Variants in RCOR2 observed in about 807,000 individuals in gnomAD.
The protein encoded by RCOR2 is REST corepressor 2.
A neutral mutation model predicts 58.9 loss-of-function variants in RCOR2; 19 were observed. That is an observed-to-expected ratio of 0.32 (90% CI 0.23 to 0.47). The LOEUF (loss-of-function observed/expected upper bound fraction) is 0.47. RCOR2 is among the 20% of genes least tolerant of loss of function. The pLI is 1.00. For missense variants in RCOR2, 590 were observed against 707.9 expected, an observed-to-expected ratio of 0.83 and a Z score of 1.89; for synonymous variants, 286 against 278.7, an observed-to-expected ratio of 1.03 and a Z score of -0.26.
chr11:63,911,849 T>C lies in RCOR2; in HGVS notation c.*16A>G. The C allele has an allele frequency of 6.8e-7, 1 of 1,466,468 alleles. No individual in the cohort carries two copies. Among genetic ancestry groups the C allele is most frequent in the Non-Finnish European group, 8.9e-7 (1 of 1,123,506 alleles). 90.8% of individuals were successfully genotyped at this position (1,466,468 alleles called of 1,614,324 possible). On this transcript the variant is annotated 3_prime_UTR_variant, in exon 12 of 12. Transcript: ENST00000301459. ...AAGGGGTCCTGGAGCCCGTGGTTGG[T>C]GGAGGACGTCAGGGCTCAGAGTGAG...
At chr11:63,914,229 G>T in intron 7 of RCOR2, 32 bp downstream of exon 7, 1 of 1,613,338 alleles carries the variant, frequency 6.2e-7, no homozygotes, top group Non-Finnish European at 8.5e-7. Flanking sequence ...AAGAGGACAG[G>T]CAGGCAGGGC....
chr11:63,927,633 C>T, the RCOR2 span, among the ~76,000 whole-genome samples: 1 of 152,160 alleles, frequency 6.6e-6, no homozygotes, highest in Non-Finnish European at 1.5e-5. Context: ...TGTCTTACCC[C>T]AGCAACTTAC....
chr11:63,923,905 C>CTTTTA, the RCOR2 span, among the ~76,000 whole-genome samples: 1 of 152,184 alleles, frequency 6.6e-6, no homozygotes, highest in African/African-American at 2.4e-5. Context: ...ATCCCTCTTC[C>CTTTTA]TTTTATTTTA....
At chr11:63,925,097 C>A in the RCOR2 span, among the ~76,000 whole-genome samples, 2 of 152,146 alleles carry the variant, frequency 1.3e-5, no homozygotes, top group African/African-American at 4.8e-5. Flanking sequence ...AGGCGATCCA[C>A]CTGCCTCAGC....
chr11:63,926,070 C>T, the RCOR2 span, among the ~76,000 whole-genome samples: 5 of 152,090 alleles, frequency 3.3e-5, no homozygotes, highest in Admixed American at 2.0e-4. Context: ...CCACCATGCC[C>T]GGCTAATTTT....
At position 63,916,296 on chromosome 11, in the gene RCOR2, C is replaced by T. The variant is rs766766298; in HGVS notation, c.127+34G>A. On this transcript the variant is annotated intron_variant, in intron 1 of 11. Transcript: ENST00000301459. ...CCGCCCCACTCCGCTCCCCCCAGGC[C>T]GGCGCGCCTTTAACCCTAGGCCACC... 7 of 1,569,868 alleles carry T rather than the reference C, an allele frequency of 4.5e-6. No individual in the cohort carries two copies. In the East Asian group the frequency reaches 1.6e-4, roughly 36 times the overall value.
chr11:63,915,060 G>T, intron 3 of RCOR2, 106 bp from the exon 4 acceptor site: 1 of 1,543,670 alleles, frequency 6.5e-7, no homozygotes. Flanking sequence ...CTGAACACGA[G>T]CCCCAGGGCA....
upstream of RCOR2, among the ~76,000 whole-genome samples, chr11:63,919,375 G>C (rs1215998969): frequency 6.6e-6 from 1 of 152,014 alleles, no homozygotes; most frequent in East Asian, 1.9e-4. Flanking sequence ...CGGCCGGCCT[G>C]GCCATCTGCT....
chr11:63,923,036 C>T, the RCOR2 span, among the ~76,000 whole-genome samples: 1 of 152,120 alleles, frequency 6.6e-6, no homozygotes, highest in Non-Finnish European at 1.5e-5. Context: ...AGGACCTTGC[C>T]TCCCACTTCC....
Position 63,914,298 on chromosome 11 carries a change from C to G in RCOR2, c.638G>C (p.Ser213Thr), listed in dbSNP as rs770049731. 4 of 1,613,566 alleles carry G rather than the reference C, an allele frequency of 2.5e-6. No individual in the cohort carries two copies. The South Asian group carries it at 4.4e-5, about 18-fold the overall frequency. ...ATCTGCAGGATCGGGCTCTCCCTCA[C>G]TCACGCCTCCTCGACCCTCTTCGAG... is the stretch of plus-strand genomic sequence containing the variant. ...DELEEGRGGVSEGEPDPADPK... is the reference protein window; with the variant it reads ...DELEEGRGGVTEGEPDPADPK... Residue 213 changes from serine to threonine, a missense_variant, in exon 7 of 12, where the codon AGT becomes ACT. Coordinates refer to ENST00000301459, the MANE Select transcript of RCOR2 (RefSeq NM_173587.4).
At chr11:63,913,179 TATA>T (rs1228846210) in intron 8 of RCOR2, among the ~76,000 whole-genome samples, 2 of 118,192 alleles carry the variant, frequency 1.7e-5, no homozygotes, top group African/African-American at 3.5e-5. Flanking sequence ...TATATATATA[TATA>T]TATTTTTTTT....
chr11:63,911,839 C>A lies in RCOR2; in HGVS notation c.*26G>T. On this transcript the variant is annotated 3_prime_UTR_variant, in exon 12 of 12. Transcript: ENST00000301459. ...ATGGCCAGCAAAGGGGTCCTGGAGC[C>A]CGTGGTTGGTGGAGGACGTCAGGGC... 1 of 1,483,742 alleles carries A rather than the reference C, an allele frequency of 6.7e-7. No individual in the cohort carries two copies. 91.9% of individuals were successfully genotyped at this position (1,483,742 alleles called of 1,614,324 possible). A position where few individuals can be genotyped will look rare whatever the true frequency, so the allele number is the denominator to read the frequency against.
chr11:63,912,863 G>GC lies in RCOR2; in HGVS notation c.969+6dup. 1 of 1,613,472 alleles carries GC rather than the reference G, an allele frequency of 6.2e-7. No individual in the cohort carries two copies. The highest frequency in any genetic ancestry group is 8.5e-7 in the Non-Finnish European group (1 of 1,179,614). Reference sequence around the variant, plus strand: ...CCTTTGCACCCTAACTTAAAGAGCAGCCATACCTCCGGGGGGCGTAGTGGA... The same window carrying GC: ...CCTTTGCACCCTAACTTAAAGAGCAGCCCATACCTCCGGGGGGCGTAGTGGA... On this transcript the variant is annotated splice_region_variant and intron_variant, in intron 9 of 11. Transcript: ENST00000301459.
chr11:63,915,520 C>G, intron 2 of RCOR2, 35 bp downstream of exon 2: 1 of 1,547,154 alleles, frequency 6.5e-7, no homozygotes, highest in Non-Finnish European at 8.7e-7. Context: ...GGGCCTCCAC[C>G]CCCACCCCAC....
rs1941759469 is a variant in RCOR2 at position 63,911,707 on chromosome 11, T to G, written c.*158A>C. 1.7e-6 allele frequency: 2 copies of G among 1,210,702 alleles called. No individual in the cohort carries two copies. The highest frequency in any genetic ancestry group is 7.8e-5 in the Admixed American group (2 of 25,520). 75.0% of individuals were successfully genotyped at this position (1,210,702 alleles called of 1,614,324 possible). A position where few individuals can be genotyped will look rare whatever the true frequency, so the allele number is the denominator to read the frequency against. On this transcript the variant is annotated 3_prime_UTR_variant, in exon 12 of 12. Transcript: ENST00000301459. ...GACAGGCCCAGCTGCCAGGAACACA[T>G]GCAGAACCCAAAGGGCGGGGCTGGG...
rs1941859064 is a variant in RCOR2 at position 63,916,437 on chromosome 11, T to C, written c.20A>G (p.Lys7Arg). The C allele has an allele frequency of 6.2e-7, 1 of 1,608,224 alleles. No homozygotes were observed. The highest frequency in any genetic ancestry group is 8.5e-7 in the Non-Finnish European group (1 of 1,178,270). Residue 7 changes from lysine to arginine, a missense_variant, in exon 1 of 12, where the codon AAG becomes AGG. Physicochemically the swap from Lys to Arg is conservative, Grantham distance 26 (BLOSUM62 2). This residue lies in a region of RCOR2 where 390 missense variants were observed against 478.7 expected (regional missense o/e 0.81). Transcript: ENST00000301459. MPSVMEKPSAGSGILSR... is the reference protein window; with the variant it reads MPSVMERPSAGSGILSR... ...CAGGATCCCAGAGCCCGCGCTCGGC[T>C]TCTCCATCACTGAGGGCATTACCCC...
upstream of RCOR2, among the ~76,000 whole-genome samples, chr11:63,922,133 G>A (rs1941918723): frequency 6.6e-6 from 1 of 152,206 alleles, no homozygotes; most frequent in Admixed American, 6.5e-5. Flanking sequence ...GTCCTCACCA[G>A]ATTCCAGCAC....
intron 1 of RCOR2, 47 bp downstream of exon 1, chr11:63,916,283 G>T: frequency 6.8e-7 from 1 of 1,472,890 alleles, no homozygotes. Context: ...GCCCCACTCC[G>T]CTCCCCCCAG....
rs1485864256 is a variant in RCOR2 at position 63,914,640 on chromosome 11, G to A, written c.480+15C>T. 2.5e-6 allele frequency: 4 copies of A among 1,604,344 alleles called. No homozygotes were observed. Among genetic ancestry groups the A allele is most frequent in the African/African-American group, 2.7e-5 (2 of 74,702 alleles). On this transcript the variant is annotated intron_variant, in intron 5 of 11. Coordinates refer to ENST00000301459, the MANE Select transcript of RCOR2 (RefSeq NM_173587.4). ...GGCAGAGGAGCGCCGGGGAGTGGGGGTGGAAGGGCTTTACCATCTGCTGGA... is the reference window on the plus strand; with the variant it reads ...GGCAGAGGAGCGCCGGGGAGTGGGGATGGAAGGGCTTTACCATCTGCTGGA...
Sources: allele counts gnomAD v4.1 joint callset (sites outside exome capture counted in the v4.1 genomes callset), GRCh38; gene constraint gnomAD v4.1.1; regional missense constraint gnomAD v4.1.1; transcripts MANE v1.5; gene names NCBI Gene and HGNC (gene_info 2026-07-23, HGNC 2026-07-21).